PPP2R3A: variants seen among roughly 807,000 people sequenced by gnomAD.
PPP2R3A encodes the protein serine/threonine-protein phosphatase 2A regulatory subunit B'' subunit alpha.
Under a neutral mutation model 106.9 loss-of-function variants are expected in PPP2R3A, and 80 were observed. That is an observed-to-expected ratio of 0.75 (90% CI 0.62 to 0.90). The LOEUF (loss-of-function observed/expected upper bound fraction) is 0.90, where lower values mean the gene tolerates loss of function less well. Ranked by LOEUF, PPP2R3A falls within the 40% of genes least tolerant of loss-of-function variation. The pLI is 0.00. For missense variants in PPP2R3A, 1,386 were observed against 1,350.4 expected (o/e 1.03, Z -0.41); for synonymous variants, 483 against 468.3 (o/e 1.03, Z -0.41).
In PPP2R3A at chr3:136,074,515, A is replaced by G. The variant is rs557940922; in HGVS notation, c.2545-3852A>G. Among the ~76,000 whole-genome samples the G allele has an allele frequency of 5.9e-5, 9 of 152,360 alleles. No homozygotes were observed. In the South Asian group the frequency reaches 1.7e-3, roughly 28 times the overall value. ...TGAGTGCAGTTTTGCATGCTGTGCA[A>G]AAATTGCCAGTGAATAAAAGGTTTT... On this transcript the variant is annotated intron_variant, in intron 6 of 13. Transcript: ENST00000264977.
At chr3:136,046,666 C>T (rs1308966879) in intron 4 of PPP2R3A, among the ~76,000 whole-genome samples, 2 of 152,192 alleles carry the variant, frequency 1.3e-5, no homozygotes, top group Non-Finnish European at 2.9e-5. Context: ...TGAGAAGGAA[C>T]CAGCACAAGA....
intron 13 of PPP2R3A, among the ~76,000 whole-genome samples, chr3:136,128,664 C>CG (rs1379714810): frequency 6.6e-6 from 1 of 152,028 alleles, no homozygotes; most frequent in Non-Finnish European, 1.5e-5. Context: ...CTGCAACAAG[C>CG]GACCTAATAG....
At chr3:136,023,524 C>T (rs547289273) in intron 2 of PPP2R3A, among the ~76,000 whole-genome samples, 11 of 152,000 alleles carry the variant, frequency 7.2e-5, no homozygotes, top group Admixed American at 5.3e-4. Context: ...AGAAAATTAC[C>T]AGAATTTTTC....
intron 2 of PPP2R3A, 33 bp from the exon 3 acceptor site, chr3:136,026,799 T>A (rs1405086470): frequency 6.5e-7 from 1 of 1,549,776 alleles, no homozygotes; most frequent in East Asian, 2.3e-5. Flanking sequence ...CTGTTTAAAT[T>A]TTTTGTGTCT....
chr3:135,977,861 C>T lies in PPP2R3A; in HGVS notation c.-441+12012C>T, dbSNP rs1382457932. ...ACTATAGGTGTGAGCCACCACTGCC[C>T]GGCTAATATTTGTGTTTTTGTAGAG... On this transcript the variant is annotated intron_variant, in intron 1 of 13. Transcript: ENST00000264977. 5.9e-5 allele frequency among the ~76,000 whole-genome samples: 9 copies of T among 151,494 alleles called. No homozygotes were observed. In the South Asian group the frequency reaches 8.4e-4, roughly 14 times the overall value.
Position 136,001,663 on chromosome 3 carries a change from C to A in PPP2R3A, c.165C>A (p.Leu55=). Reference sequence around the variant, plus strand: ...TACACCATAGTGTTTGTGCAGACCTCTTGCACATCCCTGTGTCTCAGTTCA... The same window carrying A: ...TACACCATAGTGTTTGTGCAGACCTATTGCACATCCCTGTGTCTCAGTTCA... ...IVVHHSVCAD[L]LHIPVSQFKD... is the part of the protein sequence containing the mutation. The change falls in exon 2 of 14, where the codon CTC becomes CTA. Residue 55 remains leucine, a synonymous_variant. Transcript: ENST00000264977. The A allele has an allele frequency of 6.2e-7, 1 of 1,614,134 alleles. No homozygotes were observed. The highest frequency in any genetic ancestry group is 8.5e-7 in the Non-Finnish European group (1 of 1,180,020).
At chr3:136,100,234 G>C (rs1418684299) in intron 10 of PPP2R3A, among the ~76,000 whole-genome samples, 1 of 152,122 alleles carries the variant, frequency 6.6e-6, no homozygotes, top group East Asian at 1.9e-4. Context: ...AAAAGGCCAG[G>C]CGCAGGAGCT....
intron 10 of PPP2R3A, 59 bp downstream of exon 10, chr3:136,090,726 G>T: frequency 7.0e-7 from 1 of 1,431,198 alleles, no homozygotes; most frequent in Non-Finnish European, 9.8e-7. Flanking sequence ...GCTTGAAAAA[G>T]TCATGGTGTA....
chr3:136,130,271 C>T (rs886479019), intron 13 of PPP2R3A, among the ~76,000 whole-genome samples: 2 of 152,170 alleles, frequency 1.3e-5, no homozygotes, highest in Admixed American at 6.5e-5. Context: ...AAAACCCCAT[C>T]GTCTCAGCCA....
At chr3:136,011,783 C>T (rs1251003802) in intron 2 of PPP2R3A, among the ~76,000 whole-genome samples, 1 of 152,140 alleles carries the variant, frequency 6.6e-6, no homozygotes, top group Admixed American at 6.5e-5. Flanking sequence ...TTCTGTCATC[C>T]CCTCTCATGG....
chr3:136,137,294 T>C lies in PPP2R3A; in HGVS notation c.3330-7749T>C, dbSNP rs544471811. Among the ~76,000 whole-genome samples, 173 of 152,154 alleles carry C rather than the reference T, an allele frequency of 1.1e-3. 3 individuals carry two copies. In the South Asian group the frequency reaches 0.035, roughly 31 times the overall value. ...AATGGAAAATATAAAGAGATTAAAA[T>C]CACTCTTGGTTCAATGATCCAGGGA... On this transcript the variant is annotated intron_variant, in intron 13 of 13. Transcript: ENST00000264977.
intron 13 of PPP2R3A, among the ~76,000 whole-genome samples, chr3:136,118,883 A>G (rs2107996771): frequency 6.6e-6 from 1 of 152,312 alleles, no homozygotes; most frequent in South Asian, 2.1e-4. Flanking sequence ...TAAACTTCAT[A>G]TGGAACCAAA....
intron 7 of PPP2R3A, among the ~76,000 whole-genome samples, chr3:136,080,453 C>T (rs555449002): frequency 6.6e-6 from 1 of 152,286 alleles, no homozygotes; most frequent in Admixed American, 6.5e-5. Flanking sequence ...AAAAAGCCTG[C>T]ACTACTTTCA....
intron 13 of PPP2R3A, among the ~76,000 whole-genome samples, chr3:136,132,493 G>A (rs1938464630): frequency 6.6e-6 from 1 of 151,600 alleles, no homozygotes; most frequent in Non-Finnish European, 1.5e-5. Flanking sequence ...CTCCAGTGAT[G>A]AAATTGAAAT....
At chr3:136,133,174 A>G (rs1658643502) in intron 13 of PPP2R3A, among the ~76,000 whole-genome samples, 1 of 152,158 alleles carries the variant, frequency 6.6e-6, no homozygotes, top group African/African-American at 2.4e-5. Flanking sequence ...CTTCCTTCAA[A>G]ATTAAAAACG....
At chr3:135,966,921 C>G (rs1333060286) in intron 1 of PPP2R3A, among the ~76,000 whole-genome samples, 1 of 151,870 alleles carries the variant, frequency 6.6e-6, no homozygotes, top group Non-Finnish European at 1.5e-5. Context: ...GCGCCTAGAC[C>G]CTAAGAATTG....
At chr3:136,013,452 A>G (rs968824369) in intron 2 of PPP2R3A, among the ~76,000 whole-genome samples, 1 of 152,102 alleles carries the variant, frequency 6.6e-6, no homozygotes, top group Non-Finnish European at 1.5e-5. Context: ...GATTGATTGT[A>G]CTAGTTTACA....
In PPP2R3A at chr3:136,003,024, T is replaced by G. The variant is rs771620526; in HGVS notation, c.1526T>G (p.Ile509Arg). Residue 509 changes from isoleucine (I) to arginine (R), a missense_variant, in exon 2 of 14, where the codon ATA (isoleucine) becomes AGA (arginine). Coordinates refer to ENST00000264977, the MANE Select transcript of PPP2R3A (RefSeq NM_002718.5). ...DFTNSSSQEE[I>R]DKLLMDLESF... ...ACAAATTCCAGTAGCCAGGAAGAGA[T>G]AGATAAATTGTTAATGGATTTGGAA... 5 of 1,613,412 alleles carry G rather than the reference T, an allele frequency of 3.1e-6. No homozygotes were observed. Among genetic ancestry groups the G allele is most frequent in the Non-Finnish European group, 4.2e-6 (5 of 1,179,724 alleles).
chr3:136,123,511 CA>C (rs1240865435), intron 13 of PPP2R3A, among the ~76,000 whole-genome samples: 1 of 152,064 alleles, frequency 6.6e-6, no homozygotes, highest in African/African-American at 2.4e-5. Flanking sequence ...AAAAAAGTGA[CA>C]AAATTCTGCA....
Sources: gnomAD v4.1 joint callset for allele counts (sites outside exome capture counted in the v4.1 genomes callset) on GRCh38, gnomAD v4.1.1 for gene constraint, MANE v1.5 for transcripts, NCBI Gene and HGNC (gene_info 2026-07-23, HGNC 2026-07-21) for gene names.